TSNARE1: variants seen among roughly 807,000 people sequenced by gnomAD.
The protein encoded by TSNARE1 is t-SNARE domain containing 1.
Under a neutral mutation model 62.0 loss-of-function variants are expected in TSNARE1, and 49 were observed. The observed-to-expected ratio is 0.79, with a 90% confidence interval of 0.63 to 1.00. The LOEUF is 1.00. TSNARE1 is among the 50% of genes least tolerant of loss of function. The pLI, the probability that TSNARE1 is intolerant of heterozygous loss-of-function variation, is 0.00. For missense variants in TSNARE1, 755 were observed against 700.1 expected, an observed-to-expected ratio of 1.08 and a Z score of -0.88; for synonymous variants, 328 against 294.4, an observed-to-expected ratio of 1.11 and a Z score of -1.17.
chr8:142,402,580 C>G (rs1245877093), intron 1 of TSNARE1, among the ~76,000 whole-genome samples: 1 of 152,256 alleles, frequency 6.6e-6, no homozygotes, highest in Non-Finnish European at 1.5e-5. Context: ...ACCCAGGAAG[C>G]ACCTTCTTAC....
intron 12 of TSNARE1, among the ~76,000 whole-genome samples, chr8:142,238,461 C>T (rs1474260215): frequency 3.9e-5 from 6 of 152,106 alleles, no homozygotes; most frequent in African/African-American, 1.2e-4. Flanking sequence ...CAGGGAGACA[C>T]ATTCGACAGA....
intron 10 of TSNARE1, among the ~76,000 whole-genome samples, chr8:142,296,695 T>C (rs994453237): frequency 2.0e-5 from 3 of 151,714 alleles, no homozygotes; most frequent in African/African-American, 7.3e-5. Flanking sequence ...GGGGAGGGCC[T>C]CCCTGAGGAG....
chr8:142,380,296 C>T (rs1245513730), intron 1 of TSNARE1, among the ~76,000 whole-genome samples: 2 of 152,212 alleles, frequency 1.3e-5, no homozygotes, highest in African/African-American at 4.8e-5. Flanking sequence ...CGGGGTCCCA[C>T]CCATGGCCAA....
intron 2 of TSNARE1, among the ~76,000 whole-genome samples, chr8:142,354,351 C>A (rs1458500738): frequency 1.3e-5 from 2 of 152,118 alleles, no homozygotes; most frequent in Non-Finnish European, 2.9e-5. Flanking sequence ...TCTCCAAACA[C>A]CCCGAGCACC....
rs770133367 is a variant in TSNARE1 at position 142,291,961 on chromosome 8, G to C, written c.1291-7476C>G. ...CCCGTGGACGGTCACAGCAACGCAC[G>C]CCCCCCCCGGCCCCCCACCTGTTTC... On this transcript the variant is annotated intron_variant, in intron 10 of 13. Transcript: ENST00000524325. The surrounding 1 kb of genome is among the most constrained non-coding windows in gnomAD (Gnocchi z 4.8). Among the ~76,000 whole-genome samples the C allele has an allele frequency of 6.6e-6, 1 of 151,008 alleles. No homozygotes were observed. Among genetic ancestry groups the C allele is most frequent in the Non-Finnish European group, 1.5e-5 (1 of 67,742 alleles).
chr8:142,279,817 C>A (rs1821115284), intron 11 of TSNARE1: 15 of 971,360 alleles, frequency 1.5e-5, no homozygotes, highest in African/African-American at 1.8e-5. Context: ...TGCCCCAGGG[C>A]AGTGTGGTCC....
intron 12 of TSNARE1, chr8:142,271,651 G>A: frequency 1.4e-6 from 2 of 1,403,314 alleles, no homozygotes; most frequent in East Asian, 2.9e-5. Flanking sequence ...GGGACCTCAG[G>A]GGCAGCCACA....
In TSNARE1 at chr8:142,250,416, G is replaced by T. The variant is rs191423297; in HGVS notation, c.1447-20837C>A. Among the ~76,000 whole-genome samples, 5 of 152,134 alleles carry T rather than the reference G, an allele frequency of 3.3e-5. No individual in the cohort carries two copies. The East Asian group carries it at 9.7e-4, about 30-fold the overall frequency. On this transcript the variant is annotated intron_variant, in intron 12 of 13. Coordinates refer to ENST00000524325, the MANE Select transcript of TSNARE1 (RefSeq NM_145003.5). ...TAATCCCTGCTTCTGCATAATCCCG[G>T]ATCCCTTTCCAAGCAGCGGCGTGGG...
intron 6 of TSNARE1, among the ~76,000 whole-genome samples, chr8:142,328,655 G>A (rs1008923620): frequency 2.0e-5 from 3 of 152,190 alleles, no homozygotes; most frequent in African/African-American, 7.2e-5. Flanking sequence ...CACACCAGGG[G>A]TGCGCCAGCC....
At chr8:142,232,790 C>A (rs565616964) in intron 12 of TSNARE1, among the ~76,000 whole-genome samples, 1 of 152,232 alleles carries the variant, frequency 6.6e-6, no homozygotes, top group Non-Finnish European at 1.5e-5. Context: ...GGGGCTGAGA[C>A]AGTTGGCAGA....
At chr8:142,278,100 T>C (rs1820793235) in intron 11 of TSNARE1, 1 of 984,840 alleles carries the variant, frequency 1.0e-6, no homozygotes, top group African/African-American at 1.8e-5. Flanking sequence ...CCCCACCCCA[T>C]CAGGAGGCCC....
intron 1 of TSNARE1, among the ~76,000 whole-genome samples, chr8:142,394,256 G>A (rs926260424): frequency 1.3e-5 from 2 of 152,202 alleles, no homozygotes; most frequent in African/African-American, 2.4e-5. Context: ...GAGGTGCTCT[G>A]CCCATCGGAC....
intron 9 of TSNARE1, among the ~76,000 whole-genome samples, chr8:142,300,967 G>A (rs1350338318): frequency 2.4e-5 from 2 of 83,218 alleles, no homozygotes; most frequent in African/African-American, 5.1e-5. Flanking sequence ...GAGGCAGGAA[G>A]GGTCCATGCT....
intron 1 of TSNARE1, among the ~76,000 whole-genome samples, chr8:142,402,086 G>A (rs978292031): frequency 6.6e-5 from 10 of 152,112 alleles, no homozygotes; most frequent in African/African-American, 1.7e-4. Context: ...CAGACATACC[G>A]GAAGCGGAGC....
rs527716315 is a variant in TSNARE1 at position 142,388,368 on chromosome 8, T to G, written c.-40+14736A>C. On this transcript the variant is annotated intron_variant, in intron 1 of 13. Transcript: ENST00000524325. ...CTACTAAAAACACCATTAGCTACCA[T>G]CATGCTGAAGGATCTAGTCCACAAA... Among the ~76,000 whole-genome samples, 3 of 152,092 alleles carry G rather than the reference T, an allele frequency of 2.0e-5. No individual in the cohort carries two copies. The East Asian group carries it at 5.8e-4, about 29-fold the overall frequency.
intron 13 of TSNARE1, among the ~76,000 whole-genome samples, chr8:142,221,046 C>T (rs1586754619): frequency 6.6e-6 from 1 of 152,220 alleles, no homozygotes; most frequent in African/African-American, 2.4e-5. Context: ...TGTGCCTCAG[C>T]CCCAGATGGA....
intron 12 of TSNARE1, among the ~76,000 whole-genome samples, chr8:142,238,235 G>T (rs765931681): frequency 1.3e-5 from 2 of 152,118 alleles, no homozygotes; most frequent in Non-Finnish European, 2.9e-5. Context: ...AATGTGCAGG[G>T]CCTCGACTGG....
At chr8:142,288,659 G>A (rs896564910) in intron 10 of TSNARE1, among the ~76,000 whole-genome samples, 2 of 152,274 alleles carry the variant, frequency 1.3e-5, no homozygotes, top group South Asian at 2.1e-4. Context: ...TGTCAGGCCC[G>A]CAGACAGAGG....
At chr8:142,272,203 C>T (rs1474732526) in intron 12 of TSNARE1, among the ~76,000 whole-genome samples, 1 of 151,990 alleles carries the variant, frequency 6.6e-6, no homozygotes, top group Admixed American at 6.6e-5. Context: ...TGTCCATCCA[C>T]CCAGCCACTC....
Sources: gnomAD v4.1 joint callset for allele counts (sites outside exome capture counted in the v4.1 genomes callset) on GRCh38, gnomAD v4.1.1 for gene constraint, Gnocchi (gnomAD v3.1) non-coding constraint, MANE v1.5 for transcripts, NCBI Gene and HGNC (gene_info 2026-07-23, HGNC 2026-07-21) for gene names.